SLC35F1: variants seen among roughly 807,000 people sequenced by gnomAD.
SLC35F1 encodes the protein solute carrier family 35 member F1, also known as chromosome 6 open reading frame 169.
Under a neutral mutation model 48.7 loss-of-function variants are expected in SLC35F1, and 14 were observed. The observed-to-expected ratio is 0.29, with a 90% CI of 0.19 to 0.45. SLC35F1 has a LOEUF of 0.45. Ranked by LOEUF, SLC35F1 falls within the 20% of genes least tolerant of loss-of-function variation. The probability of loss-of-function intolerance (pLI) is 1.00; values close to 1 mark genes in which losing one functional copy is unlikely to be tolerated. For missense variants in SLC35F1, 404 were observed against 500.0 expected (o/e 0.81, Z 1.83); for synonymous variants, 190 against 202.2 (o/e 0.94, Z 0.51).
rs768216446 is a variant in SLC35F1, at chr6:118,011,597, T to G, written c.173+103698T>G. 9.9e-5 allele frequency among the ~76,000 whole-genome samples: 15 copies of G among 152,174 alleles called. No individual in the cohort carries two copies. In the South Asian group the frequency reaches 1.2e-3, roughly 13 times the overall value. ...ACCATATCAATTGCGGAACCAAGAT[T>G]TCTCACATGTGCAGTTCACAATAGG... On this transcript the variant is annotated intron_variant, in intron 1 of 7. Coordinates refer to ENST00000360388, the MANE Select transcript of SLC35F1 (RefSeq NM_001029858.4).
At chr6:118,071,192 A>ACTATG (rs1772718628) in intron 1 of SLC35F1, among the ~76,000 whole-genome samples, 3 of 142,058 alleles carry the variant, frequency 2.1e-5, no homozygotes, top group Non-Finnish European at 4.5e-5. Flanking sequence ...GTGTGTATAT[A>ACTATG]CACACATAGT....
chr6:117,974,171 A>G (rs551672445), intron 1 of SLC35F1, among the ~76,000 whole-genome samples: 2 of 152,360 alleles, frequency 1.3e-5, no homozygotes, highest in East Asian at 3.9e-4. Flanking sequence ...GGTTCTTGTT[A>G]GAAATAAATT....
chr6:118,095,886 C>T (rs9385034), intron 1 of SLC35F1, among the ~76,000 whole-genome samples: 142,946 of 152,214 alleles, frequency 0.94, 67,759 homozygotes, highest in East Asian at 1. Context: ...GAATGTCACA[C>T]ACACAGTTCA....
chr6:118,310,820 G>A (rs1200496602), intron 7 of SLC35F1, among the ~76,000 whole-genome samples: 1 of 152,160 alleles, frequency 6.6e-6, no homozygotes, highest in African/African-American at 2.4e-5. Flanking sequence ...AATTCTGTAA[G>A]GAATTTCTCG....
intron 2 of SLC35F1, among the ~76,000 whole-genome samples, chr6:118,181,852 T>C (rs1452212747): frequency 2.0e-5 from 3 of 152,122 alleles, no homozygotes; most frequent in Non-Finnish European, 4.4e-5. Context: ...TCACTACCTA[T>C]TGATTAAATT....
chr6:118,287,394 G>A (rs1776064267), intron 7 of SLC35F1, among the ~76,000 whole-genome samples: 1 of 152,170 alleles, frequency 6.6e-6, no homozygotes, highest in African/African-American at 2.4e-5. Context: ...CCTGAACTAG[G>A]AGAATCCCTT....
intron 1 of SLC35F1, among the ~76,000 whole-genome samples, chr6:118,091,898 T>C (rs140931909): frequency 6.6e-6 from 1 of 152,162 alleles, no homozygotes; most frequent in African/African-American, 2.4e-5. Context: ...ACTCTTGCTA[T>C]GCGAAGAGAC....
intron 7 of SLC35F1, among the ~76,000 whole-genome samples, chr6:118,306,686 C>T (rs1776315906): frequency 6.6e-6 from 1 of 152,206 alleles, no homozygotes; most frequent in African/African-American, 2.4e-5. Context: ...AACATTCCCA[C>T]AGAGTAAGCC....
Position 117,907,555 on chromosome 6 carries a change from G to A in SLC35F1, c.-172G>A. 1 of 373,964 alleles carries A rather than the reference G, an allele frequency of 2.7e-6. No individual in the cohort carries two copies. The highest frequency in any genetic ancestry group is 4.7e-6 in the Non-Finnish European group (1 of 211,828). 23.2% of individuals were successfully genotyped at this position (373,964 alleles called of 1,614,324 possible). A position where few individuals can be genotyped will look rare whatever the true frequency, so the allele number is the denominator to read the frequency against. On this transcript the variant is annotated 5_prime_UTR_variant, in exon 1 of 8. Coordinates refer to ENST00000360388, the MANE Select transcript of SLC35F1 (RefSeq NM_001029858.4). ...CTGGAGAGGAGTGAGTGGCGGGCTG[G>A]GCGGCGGCGGCCGTAGCCGCGGGTG...
At chr6:118,098,300 GAATAC>G (rs1773207446) in intron 1 of SLC35F1, among the ~76,000 whole-genome samples, 1 of 152,134 alleles carries the variant, frequency 6.6e-6, no homozygotes, top group African/African-American at 2.4e-5. Context: ...ACTTAAATCA[GAATAC>G]GTAACCCATA....
chr6:118,212,000 C>T (rs186690167), intron 2 of SLC35F1, among the ~76,000 whole-genome samples: 1 of 152,294 alleles, frequency 6.6e-6, no homozygotes, highest in East Asian at 1.9e-4. Flanking sequence ...AGCATTCAGT[C>T]CCCTCTAGTT....
intron 1 of SLC35F1, among the ~76,000 whole-genome samples, chr6:118,027,395 GT>G (rs1310459109): frequency 6.6e-6 from 1 of 152,048 alleles, no homozygotes; most frequent in Non-Finnish European, 1.5e-5. Context: ...GTACCCTTTT[GT>G]ATTCTCACCA....
chr6:118,243,868 A>G (rs892348463), intron 3 of SLC35F1, among the ~76,000 whole-genome samples: 1 of 152,198 alleles, frequency 6.6e-6, no homozygotes, highest in African/African-American at 2.4e-5. Context: ...AGGACTATGG[A>G]AGTTTAATGA....
chr6:118,179,556 C>T (rs905931485), intron 2 of SLC35F1, among the ~76,000 whole-genome samples: 1 of 152,148 alleles, frequency 6.6e-6, no homozygotes, highest in Non-Finnish European at 1.5e-5. Flanking sequence ...TCTGGGAACA[C>T]CATCACAGAT....
chr6:118,097,513 G>T (rs6904369), intron 1 of SLC35F1, among the ~76,000 whole-genome samples: 149,530 of 152,276 alleles, frequency 0.98, 73,489 homozygotes, highest in Middle Eastern at 1. Context: ...TCTCTGTCTC[G>T]TTTACTGTTG....
intron 1 of SLC35F1, among the ~76,000 whole-genome samples, chr6:117,940,374 C>T (rs182679760): frequency 4.6e-5 from 7 of 152,268 alleles, no homozygotes; most frequent in South Asian, 2.1e-4. Context: ...ACTGTCTGTA[C>T]GTGCTGCATT....
At chr6:118,203,683 C>T (rs1774898285) in intron 2 of SLC35F1, among the ~76,000 whole-genome samples, 1 of 152,112 alleles carries the variant, frequency 6.6e-6, no homozygotes, top group Admixed American at 6.5e-5. Flanking sequence ...AGAGAGACAC[C>T]AGAGGAGAAA....
chr6:117,922,821 A>G (rs1775916589), intron 1 of SLC35F1, among the ~76,000 whole-genome samples: 1 of 152,210 alleles, frequency 6.6e-6, no homozygotes, highest in Admixed American at 6.5e-5. Context: ...TGCAGCTGAA[A>G]GCATCCCTAA....
At chr6:117,979,976 G>T (rs1776756070) in intron 1 of SLC35F1, among the ~76,000 whole-genome samples, 1 of 152,144 alleles carries the variant, frequency 6.6e-6, no homozygotes, top group Non-Finnish European at 1.5e-5. Context: ...CTTTACTGTA[G>T]TAAAAAGTTG....
Sources: gnomAD v4.1 joint callset for allele counts (sites outside exome capture counted in the v4.1 genomes callset) on GRCh38, gnomAD v4.1.1 for gene constraint, MANE v1.5 for transcripts, NCBI Gene and HGNC (gene_info 2026-07-23, HGNC 2026-07-21) for gene names.